The following DLGAP2 variants were observed in gnomAD, a reference collection of about 807,000 sequenced individuals.
The protein encoded by DLGAP2 is disks large-associated protein 2.
Under a neutral mutation model 100.3 loss-of-function variants are expected in DLGAP2, and 26 were observed. The observed-to-expected ratio is 0.26, with a 90% CI of 0.19 to 0.36. The LOEUF (loss-of-function observed/expected upper bound fraction) is 0.36. DLGAP2 is among the 10% of genes least tolerant of loss of function. The probability of loss-of-function intolerance (pLI) is 1.00; values close to 1 mark genes in which losing one functional copy is unlikely to be tolerated. For synonymous variants in DLGAP2, 886 were observed against 630.1 expected (o/e 1.41, Z -6.08); for missense variants, 1,858 against 1,453.2 (o/e 1.28, Z -4.53).
chr8:1,458,635 G>C (rs929384), intron 3 of DLGAP2, among the ~76,000 whole-genome samples: 76,813 of 152,076 alleles, frequency 0.51, 19,919 homozygotes, highest in East Asian at 0.84. Flanking sequence ...AACAATCTCT[G>C]AGCCTCCAGC....
intron 3 of DLGAP2, among the ~76,000 whole-genome samples, chr8:1,423,382 G>T (rs1797153607): frequency 2.0e-5 from 3 of 152,302 alleles, no homozygotes; most frequent in Admixed American, 1.3e-4. Flanking sequence ...GTCTCTGGGA[G>T]GGGTCTGGAC....
intron 2 of DLGAP2, among the ~76,000 whole-genome samples, chr8:1,103,138 G>T (rs948551619): frequency 2.0e-5 from 3 of 152,216 alleles, no homozygotes; most frequent in Non-Finnish European, 4.4e-5. Context: ...GTCTGACTCT[G>T]GTGGAGGTAA....
chr8:1,483,827 G>T (rs1162288241), intron 3 of DLGAP2, among the ~76,000 whole-genome samples: 3 of 152,226 alleles, frequency 2.0e-5, no homozygotes, highest in Non-Finnish European at 4.4e-5. Context: ...CAGGGCTTTT[G>T]TAAGGGTCTG....
At chr8:1,024,133 T>C (rs1396106452) in intron 2 of DLGAP2, among the ~76,000 whole-genome samples, 2 of 150,274 alleles carry the variant, frequency 1.3e-5, no homozygotes, top group Non-Finnish European at 1.5e-5. Flanking sequence ...GAGTGGACAG[T>C]CCCATGCCAA....
chr8:1,679,694 C>T (rs921532790), intron 12 of DLGAP2, among the ~76,000 whole-genome samples: 2 of 152,176 alleles, frequency 1.3e-5, no homozygotes, highest in Non-Finnish European at 2.9e-5. Context: ...CCATCAAGAC[C>T]GTTCAGGCCA....
At chr8:1,354,003 T>C (rs2129636547) in intron 3 of DLGAP2, among the ~76,000 whole-genome samples, 1 of 152,292 alleles carries the variant, frequency 6.6e-6, no homozygotes, top group East Asian at 1.9e-4. Context: ...TTCTTCTATT[T>C]ATGATGGAGT....
chr8:801,964 A>ATGGTC (rs1796163275), intron 1 of DLGAP2, among the ~76,000 whole-genome samples: 3 of 151,106 alleles, frequency 2.0e-5, no homozygotes, highest in Admixed American at 1.3e-4. Context: ...GGCCTGGGGA[A>ATGGTC]CGGTCTGCAC....
chr8:1,270,265 C>T lies in DLGAP2; in HGVS notation c.106+11382C>T, dbSNP rs147197820. On this transcript the variant is annotated intron_variant, in intron 3 of 14. Coordinates refer to ENST00000637795, the MANE Select transcript of DLGAP2 (RefSeq NM_001346810.2). ...TATACACAGAAGGGACTTGGATCAA[C>T]AGAGGAGCAACGTCTGCAGATGTCC... Among the ~76,000 whole-genome samples, 69 of 152,240 alleles carry T rather than the reference C, an allele frequency of 4.5e-4. 1 individual carries two copies. The highest frequency in any genetic ancestry group is 1.3e-3 in the African/African-American group (54 of 41,530).
chr8:1,276,924 T>C (rs980803713), intron 3 of DLGAP2, among the ~76,000 whole-genome samples: 1 of 152,226 alleles, frequency 6.6e-6, no homozygotes, highest in African/African-American at 2.4e-5. Flanking sequence ...AATAGGTGTT[T>C]GTTTTATGGA....
chr8:1,108,824 A>G (rs1392143320), intron 2 of DLGAP2, among the ~76,000 whole-genome samples: 76 of 120,640 alleles, frequency 6.3e-4, no homozygotes, highest in Middle Eastern at 0.013. Flanking sequence ...TGAGGTGTGC[A>G]TGTGCCTATG....
intron 2 of DLGAP2, among the ~76,000 whole-genome samples, chr8:1,172,260 G>C (rs1286897522): frequency 1.3e-5 from 2 of 152,190 alleles, no homozygotes; most frequent in African/African-American, 4.8e-5. Flanking sequence ...TCAGCTGTTA[G>C]TCTGATGGGC....
intron 2 of DLGAP2, among the ~76,000 whole-genome samples, chr8:1,072,059 GA>G (rs1296811528): frequency 1.3e-5 from 2 of 152,196 alleles, no homozygotes. Flanking sequence ...TCAGGGAGTG[GA>G]TGATCTTTGG....
chr8:769,990 A>C (rs150668500), intron 1 of DLGAP2, among the ~76,000 whole-genome samples: 2 of 152,174 alleles, frequency 1.3e-5, no homozygotes, highest in Admixed American at 1.3e-4. Flanking sequence ...CTTCCTGTTC[A>C]CAATTATGAA....
chr8:1,481,279 G>A lies in DLGAP2; in HGVS notation c.107-20087G>A, dbSNP rs113412414. The stretch of plus-strand genomic sequence containing the variant: ...TTTTACGTTTTCCTACATGATCCAT[G>A]TACAAGGCCATTAAAACAAACAAAA... On this transcript the variant is annotated intron_variant, in intron 3 of 14. Transcript: ENST00000637795. Among the ~76,000 whole-genome samples, 1,200 of 152,218 alleles carry A rather than the reference G, an allele frequency of 7.9e-3. 16 individuals carry two copies. The highest frequency in any genetic ancestry group is 0.027 in the African/African-American group (1,127 of 41,534).
intron 3 of DLGAP2, among the ~76,000 whole-genome samples, chr8:1,429,824 A>C (rs928392562): frequency 6.6e-6 from 1 of 150,452 alleles, no homozygotes; most frequent in Non-Finnish European, 1.5e-5. Flanking sequence ...TCTGTCCTTA[A>C]AAAAAATAAG....
intron 2 of DLGAP2, among the ~76,000 whole-genome samples, chr8:1,186,671 A>G (rs1426212749): frequency 6.6e-6 from 1 of 151,610 alleles, no homozygotes; most frequent in Admixed American, 6.6e-5. Flanking sequence ...CCTTTTTGTC[A>G]TGGAGGTTGG....
intron 1 of DLGAP2, chr8:738,558 G>T (rs1395051752): frequency 6.6e-6 from 1 of 152,266 alleles, no homozygotes; most frequent in African/African-American, 2.4e-5. Context: ...GGCTGTTGCT[G>T]TCTCCGGCTC....
intron 1 of DLGAP2, among the ~76,000 whole-genome samples, chr8:814,432 A>C: frequency 6.6e-6 from 1 of 152,214 alleles, no homozygotes; most frequent in East Asian, 1.9e-4. Flanking sequence ...GCCCATTAGG[A>C]AACAGGCATG....
chr8:1,249,555 T>C (rs150607757), intron 2 of DLGAP2, among the ~76,000 whole-genome samples: 1 of 152,206 alleles, frequency 6.6e-6, no homozygotes, highest in Non-Finnish European at 1.5e-5. Context: ...GAAACTAGAA[T>C]AATTCCTTAT....
Sources: allele counts gnomAD v4.1 joint callset (sites outside exome capture counted in the v4.1 genomes callset), GRCh38; gene constraint gnomAD v4.1.1; transcripts MANE v1.5; gene names NCBI Gene and HGNC (gene_info 2026-07-23, HGNC 2026-07-21).